Variants in KLHL1 observed in about 807,000 individuals in gnomAD.
KLHL1 encodes kelch like family member 1, also known as kelch-like protein 1.
Under a neutral mutation model 77.7 loss-of-function variants are expected in KLHL1, and 47 were observed. The ratio of observed to expected loss-of-function variants is 0.60; its 90% CI spans 0.48 to 0.77. The LOEUF is 0.77. Among genes scored for constraint, KLHL1 ranks in the 30% least tolerant of loss-of-function variants. KLHL1 has a pLI of 0.00. For missense variants in KLHL1, 925 were observed against 910.8 expected (o/e 1.02, Z -0.20); for synonymous variants, 360 against 325.2 (o/e 1.11, Z -1.15).
intron 9 of KLHL1, among the ~76,000 whole-genome samples, chr13:69,712,279 G>C (rs1041340437): frequency 3.1e-4 from 47 of 149,556 alleles, no homozygotes. Context: ...TTTTTAAGGC[G>C]ATCTCCTGTG....
rs5804464 is a variant in KLHL1, at chr13:70,028,979, TAA to T, written c.498-53179_498-53178del. Among the ~76,000 whole-genome samples the T allele has an allele frequency of 4.4e-3, 649 of 146,996 alleles. 10 individuals are homozygous for T. Among genetic ancestry groups the T allele is most frequent in the African/African-American group, 0.015 (594 of 39,628 alleles). On this transcript the variant is annotated intron_variant, in intron 1 of 10. Transcript: ENST00000377844. ...CTTGGATGACAGAGTGAAAACTTGT[TAA>T]AAAAAAAAAAAAATCACTATTCCTG...
At chr13:70,067,768 GA>G (rs1353077701) in intron 1 of KLHL1, among the ~76,000 whole-genome samples, 2 of 152,056 alleles carry the variant, frequency 1.3e-5, no homozygotes. Context: ...CTGATAATGA[GA>G]CCAGTGAGAG....
At chr13:69,782,331 G>A (rs977200042) in intron 7 of KLHL1, among the ~76,000 whole-genome samples, 16 of 152,216 alleles carry the variant, frequency 1.1e-4, no homozygotes, top group African/African-American at 3.9e-4. Context: ...AGTGGGTGCA[G>A]CGCACCGTGT....
intron 4 of KLHL1, among the ~76,000 whole-genome samples, chr13:69,924,433 C>T (rs1247365673): frequency 6.6e-6 from 1 of 152,156 alleles, no homozygotes; most frequent in Non-Finnish European, 1.5e-5. Context: ...ATTTGGATGG[C>T]CAGCTGCAGA....
intron 8 of KLHL1, among the ~76,000 whole-genome samples, chr13:69,737,192 G>A (rs1386656039): frequency 1.3e-5 from 2 of 152,204 alleles, no homozygotes; most frequent in Non-Finnish European, 2.9e-5. Flanking sequence ...CAGATCAGGA[G>A]GTCCCCTCAT....
intron 7 of KLHL1, among the ~76,000 whole-genome samples, chr13:69,792,852 C>A (rs1397294650): frequency 2.0e-5 from 3 of 152,106 alleles, no homozygotes; most frequent in South Asian, 2.1e-4. Context: ...AGATAAAAAG[C>A]AGATTAATTG....
chr13:69,800,700 T>C (rs915019456), intron 6 of KLHL1, among the ~76,000 whole-genome samples: 26 of 152,190 alleles, frequency 1.7e-4, no homozygotes, highest in Non-Finnish European at 3.5e-4. Flanking sequence ...ATAATTACTA[T>C]TAATTTATCA....
chr13:69,968,197 C>T (rs1343104725), intron 2 of KLHL1, among the ~76,000 whole-genome samples: 1 of 151,988 alleles, frequency 6.6e-6, no homozygotes, highest in African/African-American at 2.4e-5. Context: ...GATTAACACT[C>T]CCAGAAGGCT....
intron 6 of KLHL1, among the ~76,000 whole-genome samples, chr13:69,798,941 T>C (rs973276977): frequency 9.2e-5 from 14 of 151,752 alleles, no homozygotes; most frequent in African/African-American, 3.4e-4. Context: ...AAAAATAAAA[T>C]AGCCGGGCAT....
At chr13:70,086,649 A>C in intron 1 of KLHL1, among the ~76,000 whole-genome samples, 1 of 147,250 alleles carries the variant, frequency 6.8e-6, no homozygotes, top group Non-Finnish European at 1.5e-5. Context: ...AAAAGAAAAC[A>C]AGACTTATTT....
intron 6 of KLHL1, among the ~76,000 whole-genome samples, chr13:69,838,374 TAAG>T (rs1201003016): frequency 6.6e-6 from 1 of 151,750 alleles, no homozygotes; most frequent in East Asian, 1.9e-4. Context: ...AAGACAGACA[TAAG>T]AAAATCTGAA....
chr13:69,958,632 G>T (rs893503244), intron 3 of KLHL1, among the ~76,000 whole-genome samples: 1 of 151,362 alleles, frequency 6.6e-6, no homozygotes, highest in Non-Finnish European at 1.5e-5. Flanking sequence ...AAAGCACTCT[G>T]ACCTATCTCT....
Position 69,946,410 on chromosome 13 carries a change from GTAGA to G in KLHL1, c.818-6178_818-6175del, listed in dbSNP as rs375499595. On this transcript the variant is annotated intron_variant, in intron 3 of 10. Transcript: ENST00000377844. ...TTTAATAAATGATTTGAGTTGACAA[GTAGA>G]TAGAAACATTTTCTGAGTGCTTAAA... 3.2e-4 allele frequency among the ~76,000 whole-genome samples: 48 copies of G among 152,246 alleles called. No homozygotes were observed. The East Asian group carries it at 4.1e-3, about 13-fold the overall frequency.
At chr13:69,728,503 T>C (rs1484270650) in intron 8 of KLHL1, among the ~76,000 whole-genome samples, 1 of 151,778 alleles carries the variant, frequency 6.6e-6, no homozygotes, top group Non-Finnish European at 1.5e-5. Flanking sequence ...CAGCCTCCGC[T>C]TCCCAGGTTC....
intron 4 of KLHL1, among the ~76,000 whole-genome samples, chr13:69,914,279 T>C (rs979432050): frequency 6.6e-6 from 1 of 152,204 alleles, no homozygotes; most frequent in Non-Finnish European, 1.5e-5. Context: ...CTTCACATTA[T>C]ACATTTCTAC....
intron 3 of KLHL1, among the ~76,000 whole-genome samples, chr13:69,948,876 T>C (rs1452333984): frequency 6.6e-6 from 1 of 151,940 alleles, no homozygotes; most frequent in Non-Finnish European, 1.5e-5. Flanking sequence ...AAACTGCCTA[T>C]AAAATTCACA....
intron 1 of KLHL1, among the ~76,000 whole-genome samples, chr13:69,988,770 G>C (rs146676101): frequency 6.6e-6 from 1 of 151,992 alleles, no homozygotes; most frequent in Non-Finnish European, 1.5e-5. Context: ...CCTTTGACAA[G>C]TGTCTTCATG....
At chr13:69,733,278 G>T (rs1278220952) in intron 8 of KLHL1, among the ~76,000 whole-genome samples, 2 of 151,262 alleles carry the variant, frequency 1.3e-5, no homozygotes, top group African/African-American at 2.4e-5. Context: ...CCCCCAAAAA[G>T]ATAGAATGTA....
intron 6 of KLHL1, among the ~76,000 whole-genome samples, chr13:69,835,106 T>G (rs1878934805): frequency 6.6e-6 from 1 of 152,092 alleles, no homozygotes; most frequent in Non-Finnish European, 1.5e-5. Flanking sequence ...TTTGAAAAAT[T>G]TCAGAGTGTT....
Sources: allele counts gnomAD v4.1 joint callset (sites outside exome capture counted in the v4.1 genomes callset), GRCh38; gene constraint gnomAD v4.1.1; transcripts MANE v1.5; gene names NCBI Gene and HGNC (gene_info 2026-07-23, HGNC 2026-07-21).